Variants in DDX19A observed in about 807,000 individuals in gnomAD.
DDX19A encodes the protein DEAD-box helicase 19A, also known as ATP-dependent RNA helicase DDX19A.
A neutral mutation model predicts 60.6 loss-of-function variants in DDX19A; 12 were observed. The ratio of observed to expected loss-of-function variants is 0.20; its 90% CI spans 0.13 to 0.32. The LOEUF is 0.32. Among genes scored for constraint, DDX19A ranks in the 10% least tolerant of loss-of-function variants. The pLI is 1.00. For synonymous variants in DDX19A, 206 were observed against 218.2 expected, an observed-to-expected ratio of 0.94 and a Z score of 0.49; for missense variants, 337 against 600.6, an observed-to-expected ratio of 0.56 and a Z score of 4.59.
At chr16:70,366,496 T>G in intron 8 of DDX19A, 128 bp from the exon 9 acceptor site, 1 of 1,362,018 alleles carries the variant, frequency 7.3e-7, no homozygotes. Context: ...GGCCTGCTGC[T>G]CCTCCTCCCC....
At chr16:70,362,717 A>G (rs988821794) in intron 5 of DDX19A, among the ~76,000 whole-genome samples, 1 of 152,100 alleles carries the variant, frequency 6.6e-6, no homozygotes, top group Admixed American at 6.6e-5. Context: ...AGCTGGGACT[A>G]TAGGCATGTG....
rs573459537 is a variant in DDX19A at position 70,353,502 on chromosome 16, G to A, written c.107-1983G>A. On this transcript the variant is annotated intron_variant, in intron 2 of 11. Coordinates refer to ENST00000302243, the MANE Select transcript of DDX19A (RefSeq NM_018332.5). Reference sequence around the variant, plus strand: ...TCCCAGCACTTTGGGAGGCCGAGGCGGGCAGATCATGAGGTCAGCCCTATC... The same window carrying A: ...TCCCAGCACTTTGGGAGGCCGAGGCAGGCAGATCATGAGGTCAGCCCTATC... Among the ~76,000 whole-genome samples, 64 of 152,114 alleles carry A rather than the reference G, an allele frequency of 4.2e-4. 1 individual carries two copies. Among genetic ancestry groups the A allele is most frequent in the South Asian group, 3.5e-3 (17 of 4,808 alleles).
chr16:70,357,362 G>GT (rs1248365917), intron 4 of DDX19A, among the ~76,000 whole-genome samples: 16 of 48,870 alleles, frequency 3.3e-4, no homozygotes, highest in East Asian at 2.0e-3. Flanking sequence ...TCTGTTTTTG[G>GT]TTTGTTTTTT....
intron 1 of DDX19A, among the ~76,000 whole-genome samples, chr16:70,350,356 G>A (rs1597519947): frequency 6.6e-6 from 1 of 152,062 alleles, no homozygotes; most frequent in African/African-American, 2.4e-5. Flanking sequence ...CCCTCCCCTT[G>A]TTTTAAGGCT....
intron 4 of DDX19A, among the ~76,000 whole-genome samples, chr16:70,359,435 C>G (rs1306498710): frequency 2.6e-5 from 4 of 152,166 alleles, no homozygotes; most frequent in Non-Finnish European, 5.9e-5. Context: ...GTTGGGTTGC[C>G]TTTTCTTTAG....
At chr16:70,365,206 C>A in intron 7 of DDX19A, 75 bp downstream of exon 7, 1 of 958,732 alleles carries the variant, frequency 1.0e-6, no homozygotes, top group Non-Finnish European at 1.7e-6. Flanking sequence ...GATGCGATGA[C>A]CGTATTCAAC....
Position 70,372,001 on chromosome 16 carries a change from C to G in DDX19A, c.*15C>G. 1 of 1,614,008 alleles carries G rather than the reference C, an allele frequency of 6.2e-7. No individual in the cohort carries two copies. Among genetic ancestry groups the G allele is most frequent in the African/African-American group, 1.3e-5 (1 of 75,048 alleles). ...TAGCCAACTGAGAAGCTCCACCAGC[C>G]ACTGATGCCAGCCCTGGCACTGCCC... On this transcript the variant is annotated 3_prime_UTR_variant, in exon 12 of 12. Transcript: ENST00000302243.
chr16:70,367,913 C>A (rs1182743510), intron 9 of DDX19A, among the ~76,000 whole-genome samples: 1 of 151,496 alleles, frequency 6.6e-6, no homozygotes, highest in Non-Finnish European at 1.5e-5. Context: ...TAGTGGCTCA[C>A]GCCTGTAATC....
rs745934900 is a variant in DDX19A, at chr16:70,350,585, A to C, written c.86A>C (p.Lys29Thr). 1.2e-6 allele frequency: 2 copies of C among 1,612,602 alleles called. No homozygotes were observed. Among genetic ancestry groups the C allele is most frequent in the Admixed American group, 1.7e-5 (1 of 59,644 alleles). ...SMTNLQIKEE[K>T]VKADTNGIIK... ...ACCAATTTGCAGATCAAGGAAGAGA[A>C]AGTCAAAGCAGATACCAATGGTGAG... The change falls in exon 2 of 12, where the codon AAA (lysine) becomes ACA (threonine). Residue 29 changes from lysine (K) to threonine (T), a missense_variant. Transcript: ENST00000302243.
intron 1 of DDX19A, 142 bp from the exon 2 acceptor site, chr16:70,350,415 A>C: frequency 1.8e-6 from 1 of 549,788 alleles, no homozygotes; most frequent in Non-Finnish European, 3.2e-6. Context: ...CAGCAACTCT[A>C]CTTTGAGGGA....
intron 4 of DDX19A, among the ~76,000 whole-genome samples, chr16:70,359,778 G>A (rs917497301): frequency 5.9e-5 from 9 of 152,110 alleles, no homozygotes; most frequent in Admixed American, 5.9e-4. Context: ...TTGAGGCCTG[G>A]GAGGTGTCGG....
At chr16:70,371,117 C>T in intron 10 of DDX19A, 1 of 629,112 alleles carries the variant, frequency 1.6e-6, no homozygotes, top group East Asian at 2.8e-5. Flanking sequence ...CAGGGGCGCC[C>T]ATCTCCAGAA....
At chr16:70,349,918 A>G (rs1314967089) in intron 1 of DDX19A, among the ~76,000 whole-genome samples, 2 of 152,196 alleles carry the variant, frequency 1.3e-5, no homozygotes, top group South Asian at 2.1e-4. Flanking sequence ...TTCACCATGT[A>G]GACTTGTGTA....
chr16:70,360,935 G>A (rs1237731541), intron 4 of DDX19A: 1 of 167,872 alleles, frequency 6.0e-6, no homozygotes, highest in Non-Finnish European at 1.3e-5. Context: ...TAGAGACGAG[G>A]TATCACCATG....
intron 5 of DDX19A, 92 bp downstream of exon 5, chr16:70,361,602 T>G: frequency 1.0e-6 from 1 of 961,490 alleles, no homozygotes; most frequent in Non-Finnish European, 1.6e-6. Context: ...AAGGAGCTGT[T>G]TGGGGCCACG....
At chr16:70,361,133 G>T (rs1964352346) in intron 4 of DDX19A, among the ~76,000 whole-genome samples, 1 of 152,128 alleles carries the variant, frequency 6.6e-6, no homozygotes, top group Admixed American at 6.6e-5. Flanking sequence ...GTCTTCCAAG[G>T]CCAGCCAGAT....
Position 70,372,368 on chromosome 16 carries a change from G to A in DDX19A, c.*382G>A. 3.1e-6 allele frequency: 1 copy of A among 322,684 alleles called. No homozygotes were observed. Among genetic ancestry groups the A allele is most frequent in the Non-Finnish European group, 5.9e-6 (1 of 170,592 alleles). The allele number at this position is 322,684 out of a possible 1,614,324, so 20.0% of individuals were successfully genotyped here. A position where few individuals can be genotyped will look rare whatever the true frequency, so the allele number is the denominator to read the frequency against. ...CAGGTTGTGCGGAAGAGGCTGAGTG[G>A]AAAATGGTGTGAGCCCCACCGCTGT... On this transcript the variant is annotated 3_prime_UTR_variant, in exon 12 of 12. Coordinates refer to ENST00000302243, the MANE Select transcript of DDX19A (RefSeq NM_018332.5).
At position 70,372,023 on chromosome 16, in the gene DDX19A, G is replaced by A. The variant is rs375379525; in HGVS notation, c.*37G>A. ...AGCCACTGATGCCAGCCCTGGCACT[G>A]CCCCTGCACAGGAGACAAGTGCATT... On this transcript the variant is annotated 3_prime_UTR_variant, in exon 12 of 12. Coordinates refer to ENST00000302243, the MANE Select transcript of DDX19A (RefSeq NM_018332.5). 1.9e-6 allele frequency: 3 copies of A among 1,613,742 alleles called. No homozygotes were observed. The highest frequency in any genetic ancestry group is 2.5e-6 in the Non-Finnish European group (3 of 1,179,624).
Position 70,372,048 on chromosome 16 carries a change from T to G in DDX19A, c.*62T>G, listed in dbSNP as rs2047280510. The G allele has an allele frequency of 1.2e-6, 2 of 1,612,868 alleles. No individual in the cohort carries two copies. Among genetic ancestry groups the G allele is most frequent in the Non-Finnish European group, 1.7e-6 (2 of 1,178,970 alleles). The stretch of plus-strand genomic sequence containing the variant: ...GCCCCTGCACAGGAGACAAGTGCAT[T>G]TAGGGCACAGGCCCCGACATCACCC... On this transcript the variant is annotated 3_prime_UTR_variant, in exon 12 of 12. Transcript: ENST00000302243.
Sources: gnomAD v4.1 joint callset for allele counts (sites outside exome capture counted in the v4.1 genomes callset) on GRCh38, gnomAD v4.1.1 for gene constraint, MANE v1.5 for transcripts, NCBI Gene and HGNC (gene_info 2026-07-23, HGNC 2026-07-21) for gene names.